NUDT9: variants seen among roughly 807,000 people sequenced by gnomAD.
The protein encoded by NUDT9 is nudix hydrolase 9.
In NUDT9, 31 loss-of-function variants were observed where a neutral mutation model predicts 41.0. That is an observed-to-expected ratio of 0.76 (90% CI 0.57 to 1.02). The LOEUF is 1.02. NUDT9 is among the 50% of genes least tolerant of loss of function. The pLI, the probability that NUDT9 is intolerant of heterozygous loss-of-function variation, is 0.00. For missense variants in NUDT9, 380 were observed against 431.4 expected, an observed-to-expected ratio of 0.88 and a Z score of 1.06; for synonymous variants, 146 against 147.6, an observed-to-expected ratio of 0.99 and a Z score of 0.08.
rs560415044 is a variant in NUDT9 at position 87,436,981 on chromosome 4, G to T, written c.348-1296G>T. 3.8e-3 allele frequency among the ~76,000 whole-genome samples: 575 copies of T among 152,202 alleles called. 4 individuals carry two copies. The highest frequency in any genetic ancestry group is 0.013 in the African/African-American group (536 of 41,544). On this transcript the variant is annotated intron_variant, in intron 2 of 7. Transcript: ENST00000302174. ...TGTTTTTGTTGGGCCAGGCACAGTG[G>T]CTCACGCCTGTAATCCCAGCACTTT... is the stretch of plus-strand genomic sequence containing the variant.
At position 87,432,958 on chromosome 4, in the gene NUDT9, A is replaced by G. The variant is rs192175177; in HGVS notation, c.108-2023A>G. Among the ~76,000 whole-genome samples, 13 of 152,188 alleles carry G rather than the reference A, an allele frequency of 8.5e-5. No individual in the cohort carries two copies. In the East Asian group the frequency reaches 2.5e-3, roughly 29 times the overall value. ...GTATTAATCAAAGATAATGGTTTGT[A>G]GTTTTTTTATAGTGTCTTTGTCAAG... On this transcript the variant is annotated intron_variant, in intron 1 of 7. Coordinates refer to ENST00000302174, the MANE Select transcript of NUDT9 (RefSeq NM_024047.5).
At chr4:87,453,573 G>GCA (rs1560800169) in intron 6 of NUDT9, among the ~76,000 whole-genome samples, 1 of 151,848 alleles carries the variant, frequency 6.6e-6, no homozygotes, top group African/African-American at 2.4e-5. Flanking sequence ...GGGACTACAG[G>GCA]TGTTCTCCAC....
intron 7 of NUDT9, among the ~76,000 whole-genome samples, chr4:87,456,871 C>G (rs1723014224): frequency 6.6e-6 from 1 of 152,116 alleles, no homozygotes; most frequent in Admixed American, 6.5e-5. Context: ...GCGGAGGTTG[C>G]AGTGAGCCGT....
intron 5 of NUDT9, among the ~76,000 whole-genome samples, chr4:87,450,405 G>A (rs2110187896): frequency 7.4e-6 from 1 of 135,526 alleles, no homozygotes; most frequent in Admixed American, 8.0e-5. Flanking sequence ...TTTTGAGACG[G>A]AGTCTCACTC....
intron 3 of NUDT9, among the ~76,000 whole-genome samples, chr4:87,440,369 A>C (rs999422194): frequency 6.6e-6 from 1 of 152,100 alleles, no homozygotes; most frequent in African/African-American, 2.4e-5. Context: ...TTTTGTCTAT[A>C]TTTTTGGCTT....
chr4:87,445,486 A>T lies in NUDT9; in HGVS notation c.530+3571A>T, dbSNP rs1041492045. ...GTGTTAAATTTTCGGATTCCCAGGCATCTCTCCTAGAGATTGTCCAGGTAC... is the reference window on the plus strand; with the variant it reads ...GTGTTAAATTTTCGGATTCCCAGGCTTCTCTCCTAGAGATTGTCCAGGTAC... On this transcript the variant is annotated intron_variant, in intron 4 of 7. Coordinates refer to ENST00000302174, the MANE Select transcript of NUDT9 (RefSeq NM_024047.5). 3.3e-5 allele frequency: 5 copies of T among 152,316 alleles called. No homozygotes were observed. The South Asian group carries it at 8.3e-4, about 25-fold the overall frequency. 9.4% of individuals were successfully genotyped at this position (152,316 alleles called of 1,614,324 possible).
intron 7 of NUDT9, among the ~76,000 whole-genome samples, chr4:87,456,826 G>A (rs1001863587): frequency 2.0e-4 from 31 of 152,280 alleles, no homozygotes; most frequent in Non-Finnish European, 1.0e-4. Flanking sequence ...AGGTACTCGG[G>A]GGGCTGAGGC....
chr4:87,438,284 A>T lies in NUDT9; in HGVS notation c.355A>T (p.Asn119Tyr). 6.3e-7 allele frequency: 1 copy of T among 1,586,008 alleles called. No homozygotes were observed. Residue 119 changes from asparagine to tyrosine, a missense_variant, in exon 3 of 8, where the codon AAT becomes TAT. Physicochemically the swap from Asn to Tyr is moderately radical, Grantham distance 143. Coordinates refer to ENST00000302174, the MANE Select transcript of NUDT9 (RefSeq NM_024047.5). ...RWADPQISES[N>Y]FSPKFNEKDG... ...TTGGTATTCTCATTACAGTGAAAGT[A>T]ATTTTTCTCCCAAGTTTAACGAAAA...
intron 1 of NUDT9, among the ~76,000 whole-genome samples, chr4:87,429,921 TG>T (rs1721606841): frequency 6.6e-6 from 1 of 152,160 alleles, no homozygotes; most frequent in African/African-American, 2.4e-5. Flanking sequence ...TAGACAGTTG[TG>T]GTAAGCAGAA....
chr4:87,429,380 C>T (rs979183518), intron 1 of NUDT9, among the ~76,000 whole-genome samples: 1 of 152,046 alleles, frequency 6.6e-6, no homozygotes, highest in Non-Finnish European at 1.5e-5. Context: ...TCTTGAACTC[C>T]TAGCTTCAAG....
chr4:87,447,824 A>T (rs1461119185), intron 4 of NUDT9, among the ~76,000 whole-genome samples: 1 of 152,100 alleles, frequency 6.6e-6, no homozygotes, highest in Non-Finnish European at 1.5e-5. Context: ...GCTTGAGGCC[A>T]GGAGTTCAAG....
At chr4:87,432,996 G>A (rs1340891108) in intron 1 of NUDT9, among the ~76,000 whole-genome samples, 2 of 152,102 alleles carry the variant, frequency 1.3e-5, no homozygotes, top group African/African-American at 4.8e-5. Context: ...TTAGTATCAG[G>A]ATAATGCTGG....
At position 87,422,841 on chromosome 4, in the gene NUDT9, G is replaced by A; in HGVS notation, c.-65G>A. 7.8e-7 allele frequency: 1 copy of A among 1,276,084 alleles called. No individual in the cohort carries two copies. The highest frequency in any genetic ancestry group is 1.1e-6 in the Non-Finnish European group (1 of 896,024). The allele number at this position is 1,276,084 out of a possible 1,614,324, so 79.0% of individuals were successfully genotyped here. On this transcript the variant is annotated 5_prime_UTR_variant, in exon 1 of 8. The change creates a new upstream start codon in the 5' untranslated region. Transcript: ENST00000302174. ...CGCGGCCGGGACTCGGAGCTGTGGG[G>A]TGTGGGGAGGCGGAGGCACCAACTA...
intron 2 of NUDT9, 90 bp downstream of exon 2, chr4:87,435,310 T>G: frequency 7.1e-7 from 1 of 1,399,056 alleles, no homozygotes; most frequent in South Asian, 1.5e-5. Context: ...CACCTGAAAA[T>G]AATTTCAATC....
rs914791505 is a variant in NUDT9, at chr4:87,438,474, A to G, written c.443+102A>G. 3.4e-5 allele frequency: 21 copies of G among 610,562 alleles called. No homozygotes were observed. In the Admixed American group the frequency reaches 3.5e-4, roughly 10 times the overall value. The allele number at this position is 610,562 out of a possible 1,614,324, so 37.8% of individuals were successfully genotyped here. A position where few individuals can be genotyped will look rare whatever the true frequency, so the allele number is the denominator to read the frequency against. On this transcript the variant is annotated intron_variant, in intron 3 of 7. Coordinates refer to ENST00000302174, the MANE Select transcript of NUDT9 (RefSeq NM_024047.5). ...CTTGTATGTGCCAGATGTTGTACAA[A>G]TTTATTTACATATGTGATGTAATTA...
chr4:87,444,143 C>T lies in NUDT9; in HGVS notation c.530+2228C>T, dbSNP rs562576750. On this transcript the variant is annotated intron_variant, in intron 4 of 7. Transcript: ENST00000302174. ...ATTTCTTTGCTGACCATCTGTCTCC[C>T]CACGTGGAATTGTCATGTTCTTTCT... Among the ~76,000 whole-genome samples the T allele has an allele frequency of 3.9e-5, 6 of 152,110 alleles. No homozygotes were observed. In the South Asian group the frequency reaches 1.0e-3, roughly 26 times the overall value.
Position 87,449,089 on chromosome 4 carries a change from A to G in NUDT9, c.531-53A>G, listed in dbSNP as rs1217797937. 3.9e-6 allele frequency: 4 copies of G among 1,029,790 alleles called. No individual in the cohort carries two copies. The African/African-American group carries it at 6.4e-5, about 16-fold the overall frequency. The allele number at this position is 1,029,790 out of a possible 1,614,324, so 63.8% of individuals were successfully genotyped here. ...TGTAACTTTATCTCAAGTTTGAGAT[A>G]GAACCTTAGTTTTTGTTGTAAATCC... On this transcript the variant is annotated intron_variant, in intron 4 of 7. Coordinates refer to ENST00000302174, the MANE Select transcript of NUDT9 (RefSeq NM_024047.5).
At chr4:87,440,394 G>A (rs1309340714) in intron 3 of NUDT9, among the ~76,000 whole-genome samples, 1 of 152,092 alleles carries the variant, frequency 6.6e-6, no homozygotes, top group African/African-American at 2.4e-5. Flanking sequence ...CTCTCTCTTT[G>A]CGAATAACCA....
At chr4:87,433,210 A>G (rs1721764946) in intron 1 of NUDT9, among the ~76,000 whole-genome samples, 2 of 152,216 alleles carry the variant, frequency 1.3e-5, no homozygotes, top group Admixed American at 1.3e-4. Flanking sequence ...TCCAAACTTT[A>G]CTACCTATCC....
Sources: gnomAD v4.1 joint callset for allele counts (sites outside exome capture counted in the v4.1 genomes callset) on GRCh38, gnomAD v4.1.1 for gene constraint, MANE v1.5 for transcripts, NCBI Gene and HGNC (gene_info 2026-07-23, HGNC 2026-07-21) for gene names.